Variants in SEC22B observed in about 807,000 individuals in gnomAD.
SEC22B encodes the protein vesicle-trafficking protein SEC22b.
SEC22B carries 10 observed loss-of-function variants against 31.4 expected under a neutral mutation model. The observed-to-expected ratio is 0.32, with a 90% CI of 0.20 to 0.54. The LOEUF is 0.54. SEC22B is among the 20% of genes least tolerant of loss of function. The pLI is 0.94. For synonymous variants in SEC22B, 60 were observed against 95.9 expected (o/e 0.63, Z 2.19); for missense variants, 130 against 263.4 (o/e 0.49, Z 3.50).
chr1:120,166,520 T>G (rs1281585509), intron 2 of SEC22B, among the ~76,000 whole-genome samples: 1 of 139,966 alleles, frequency 7.1e-6, no homozygotes, highest in Non-Finnish European at 1.5e-5. Flanking sequence ...TTAAATAAAA[T>G]CAGTCATGCA....
Position 120,160,398 on chromosome 1 carries a change from C to T in SEC22B, c.479G>A (p.Gly160Glu). The change falls in exon 4 of 5, where the codon GGA becomes GAA. Residue 160 changes from glycine (G) to glutamate (E), a missense_variant. By Grantham distance (98) the Gly-to-Glu change is moderately conservative. Transcript: ENST00000578049. ...VANIEEVLQR[G>E]EALSALDSKA... The stretch of plus-strand genomic sequence containing the variant: ...CTTTTAGATACCTGAGAGTGCTTCT[C>T]CTCGTTGTAACACTTCTTCAATATT... The T allele has an allele frequency of 6.2e-7, 1 of 1,611,396 alleles. No individual in the cohort carries two copies. Among genetic ancestry groups the T allele is most frequent in the Non-Finnish European group, 8.5e-7 (1 of 1,178,634 alleles).
In SEC22B at chr1:120,151,775, A is replaced by C. The variant is rs1553228754; in HGVS notation, c.*5263T>G. The C allele has an allele frequency of 6.6e-6, 1 of 151,828 alleles. No individual in the cohort carries two copies. The highest frequency in any genetic ancestry group is 6.6e-5 in the Admixed American group (1 of 15,234). The allele number at this position is 151,828 out of a possible 1,614,324, so 9.4% of individuals were successfully genotyped here. A position where few individuals can be genotyped will look rare whatever the true frequency, so the allele number is the denominator to read the frequency against. On this transcript the variant is annotated 3_prime_UTR_variant, in exon 5 of 5. Transcript: ENST00000578049. ...TACTCCAAGAATCCATGTTAAAGTT[A>C]ATGAGGGCTTGAACCCAAACATAAA...
At chr1:120,157,446 G>A (rs1657645465) in intron 4 of SEC22B, 1 of 291,916 alleles carries the variant, frequency 3.4e-6, no homozygotes, top group African/African-American at 2.2e-5. Flanking sequence ...GATATCACCT[G>A]TACAAGTTAT....
In SEC22B at chr1:120,156,992, C is replaced by G. The variant is rs1169178410; in HGVS notation, c.*46G>C. 1.7e-5 allele frequency: 13 copies of G among 748,458 alleles called. No homozygotes were observed. The East Asian group carries it at 3.7e-4, about 22-fold the overall frequency. The allele number at this position is 748,458 out of a possible 1,614,324, so 46.4% of individuals were successfully genotyped here. On this transcript the variant is annotated 3_prime_UTR_variant, in exon 5 of 5. Coordinates refer to ENST00000578049, the MANE Select transcript of SEC22B (RefSeq NM_004892.6). The stretch of plus-strand genomic sequence containing the variant: ...AGCTCAGTTTCCTGAAAATATACAC[C>G]TACTGGGTTCTAGGTTCTCCCTTAC...
chr1:120,155,826 G>A lies in SEC22B; in HGVS notation c.*1212C>T, dbSNP rs1270688394. 23 of 151,812 alleles carry A rather than the reference G, an allele frequency of 1.5e-4. No homozygotes were observed. Among genetic ancestry groups the A allele is most frequent in the Admixed American group, 1.2e-3 (18 of 15,230 alleles). 9.4% of individuals were successfully genotyped at this position (151,812 alleles called of 1,614,324 possible). On this transcript the variant is annotated 3_prime_UTR_variant, in exon 5 of 5. Coordinates refer to ENST00000578049, the MANE Select transcript of SEC22B (RefSeq NM_004892.6). ...TCTCCATCATCCCTGAGCAGAAAAG[G>A]AAAAAATCATGGGTACTTTAATTAG... is the stretch of plus-strand genomic sequence containing the variant.
intron 2 of SEC22B, among the ~76,000 whole-genome samples, chr1:120,167,824 A>G (rs1219481629): frequency 2.0e-5 from 3 of 152,162 alleles, no homozygotes; most frequent in African/African-American, 7.2e-5. Flanking sequence ...CAATTCCATG[A>G]GAACTTTCCT....
chr1:120,170,254 T>G (rs1657874710), intron 1 of SEC22B, among the ~76,000 whole-genome samples: 1 of 142,416 alleles, frequency 7.0e-6, no homozygotes, highest in Non-Finnish European at 1.5e-5. Flanking sequence ...ATAGAAAGAA[T>G]AGCCTCCCTT....
rs1338583052 is a variant in SEC22B, at chr1:120,153,270, A to G, written c.*3768T>C. 1.4e-5 allele frequency: 2 copies of G among 146,632 alleles called. No homozygotes were observed. Among genetic ancestry groups the G allele is most frequent in the Non-Finnish European group, 3.0e-5 (2 of 67,732 alleles). 9.1% of individuals were successfully genotyped at this position (146,632 alleles called of 1,614,324 possible). A position where few individuals can be genotyped will look rare whatever the true frequency, so the allele number is the denominator to read the frequency against. On this transcript the variant is annotated 3_prime_UTR_variant, in exon 5 of 5. Coordinates refer to ENST00000578049, the MANE Select transcript of SEC22B (RefSeq NM_004892.6). ...AAACCAACCAACCAACCAACCAAAC[A>G]AAAGAAAAACCCACCAGGTAGGAGT...
intron 1 of SEC22B, among the ~76,000 whole-genome samples, chr1:120,170,581 T>C (rs1441661228): frequency 6.6e-6 from 1 of 151,854 alleles, no homozygotes; most frequent in African/African-American, 2.4e-5. Context: ...GGTATTAGTT[T>C]GTAGATTTAT....
intron 3 of SEC22B, among the ~76,000 whole-genome samples, chr1:120,161,542 G>A (rs1256632006): frequency 5.9e-5 from 9 of 152,204 alleles, no homozygotes; most frequent in East Asian, 1.9e-4. Flanking sequence ...CAAAAATACC[G>A]AAATTAGCTA....
intron 4 of SEC22B, chr1:120,159,088 T>C (rs1657674113): frequency 1.3e-5 from 2 of 152,310 alleles, no homozygotes; most frequent in South Asian, 2.1e-4. Flanking sequence ...CAGGTAAATA[T>C]ACATATACTT....
In SEC22B at chr1:120,155,194, C is replaced by G. The variant is rs1350498649; in HGVS notation, c.*1844G>C. On this transcript the variant is annotated 3_prime_UTR_variant, in exon 5 of 5. Coordinates refer to ENST00000578049, the MANE Select transcript of SEC22B (RefSeq NM_004892.6). ...ATAAATTAACTAGATAACAAAACTT[C>G]ACACTGAAGTGAACATTCTACAAGT... The G allele has an allele frequency of 6.6e-6, 1 of 152,074 alleles. No individual in the cohort carries two copies. Among genetic ancestry groups the G allele is most frequent in the East Asian group, 1.9e-4 (1 of 5,194 alleles). 9.4% of individuals were successfully genotyped at this position (152,074 alleles called of 1,614,324 possible). A position where few individuals can be genotyped will look rare whatever the true frequency, so the allele number is the denominator to read the frequency against.
In SEC22B at chr1:120,176,410, G is replaced by A; in HGVS notation, c.-29C>T. The A allele has an allele frequency of 1.2e-6, 2 of 1,602,828 alleles. No individual in the cohort carries two copies. The highest frequency in any genetic ancestry group is 1.7e-6 in the Non-Finnish European group (2 of 1,170,954). ...CACAAACTACAGGGATCCAACACTGGCCCGGAAGGCCCTTGGCGCCGTCCT... is the reference window on the plus strand; with the variant it reads ...CACAAACTACAGGGATCCAACACTGACCCGGAAGGCCCTTGGCGCCGTCCT... On this transcript the variant is annotated 5_prime_UTR_variant, in exon 1 of 5. Coordinates refer to ENST00000578049, the MANE Select transcript of SEC22B (RefSeq NM_004892.6).
chr1:120,160,243 TTGTAA>T (rs1331596229), intron 4 of SEC22B, 136 bp downstream of exon 4: 21 of 528,052 alleles, frequency 4.0e-5, no homozygotes, highest in Non-Finnish European at 6.0e-5. Flanking sequence ...ATTGGAAGCA[TTGTAA>T]TGTAATGTAC....
chr1:120,176,393 A>G lies in SEC22B; in HGVS notation c.-12T>C, dbSNP rs1182135729. 3 of 1,613,204 alleles carry G rather than the reference A, an allele frequency of 1.9e-6. No individual in the cohort carries two copies. The African/African-American group carries it at 4.0e-5, about 22-fold the overall frequency. ...GTTAGCAACACCATCTTCACAAACT[A>G]CAGGGATCCAACACTGGCCCGGAAG... is the stretch of plus-strand genomic sequence containing the variant. On this transcript the variant is annotated 5_prime_UTR_variant, in exon 1 of 5. Transcript: ENST00000578049.
intron 2 of SEC22B, 28 bp from the exon 3 acceptor site, chr1:120,163,398 G>C: frequency 6.8e-7 from 1 of 1,462,330 alleles, no homozygotes; most frequent in Non-Finnish European, 9.2e-7. Context: ...GCAAGACAAA[G>C]TTATCTGTAA....
Position 120,152,799 on chromosome 1 carries a change from C to A in SEC22B, c.*4239G>T, listed in dbSNP as rs1488040185. 25 of 135,132 alleles carry A rather than the reference C, an allele frequency of 1.9e-4. 1 individual carries two copies. Among genetic ancestry groups the A allele is most frequent in the South Asian group, 4.6e-4 (2 of 4,364 alleles). 8.4% of individuals were successfully genotyped at this position (135,132 alleles called of 1,614,324 possible). A position where few individuals can be genotyped will look rare whatever the true frequency, so the allele number is the denominator to read the frequency against. ...AGTGAAATGTGTAAGACAAACGTAT[C>A]TGTGTCATTATTTAGGAGTAGTGAA... On this transcript the variant is annotated 3_prime_UTR_variant, in exon 5 of 5. Coordinates refer to ENST00000578049, the MANE Select transcript of SEC22B (RefSeq NM_004892.6).
chr1:120,163,626 A>G (rs1223035703), intron 2 of SEC22B, among the ~76,000 whole-genome samples: 2 of 148,066 alleles, frequency 1.4e-5, no homozygotes, highest in Non-Finnish European at 3.0e-5. Context: ...CCTGGGCTGG[A>G]GTGCAGTGGC....
At position 120,152,990 on chromosome 1, in the gene SEC22B, A is replaced by G. The variant is rs1278300114; in HGVS notation, c.*4048T>C. The stretch of plus-strand genomic sequence containing the variant: ...GCTCAAAAAATGAAGGAAATGAGAG[A>G]AAAAAGTATAGATTACTATATGGAA... On this transcript the variant is annotated 3_prime_UTR_variant, in exon 5 of 5. Coordinates refer to ENST00000578049, the MANE Select transcript of SEC22B (RefSeq NM_004892.6). 2 of 149,660 alleles carry G rather than the reference A, an allele frequency of 1.3e-5. No homozygotes were observed. Among genetic ancestry groups the G allele is most frequent in the Non-Finnish European group, 2.9e-5 (2 of 67,920 alleles). 9.3% of individuals were successfully genotyped at this position (149,660 alleles called of 1,614,324 possible).
Sources: gnomAD v4.1 joint callset for allele counts (sites outside exome capture counted in the v4.1 genomes callset) on GRCh38, gnomAD v4.1.1 for gene constraint, MANE v1.5 for transcripts, NCBI Gene and HGNC (gene_info 2026-07-23, HGNC 2026-07-21) for gene names.